The following SLC6A5 variants were observed in gnomAD, a reference collection of about 807,000 sequenced individuals.
SLC6A5 encodes sodium- and chloride-dependent glycine transporter 2.
SLC6A5 carries 58 observed loss-of-function variants against 90.5 expected under a neutral mutation model. The ratio of observed to expected loss-of-function variants is 0.64; its 90% CI spans 0.52 to 0.80. SLC6A5 has a LOEUF of 0.80. Ranked by LOEUF, SLC6A5 falls within the 30% of genes least tolerant of loss-of-function variation. SLC6A5 has a pLI of 0.00. For synonymous variants in SLC6A5, 427 were observed against 401.4 expected, an observed-to-expected ratio of 1.06 and a Z score of -0.76; for missense variants, 1,015 against 1,017.6, an observed-to-expected ratio of 1.00 and a Z score of 0.03.
chr11:20,601,130 A>T lies in SLC6A5; in HGVS notation c.5A>T (p.Asp2Val). The T allele has an allele frequency of 6.3e-7, 1 of 1,589,480 alleles. No individual in the cohort carries two copies. Among genetic ancestry groups the T allele is most frequent in the Non-Finnish European group, 8.5e-7 (1 of 1,175,444 alleles). Residue 2 changes from aspartate (D) to valine (V), a missense_variant and splice_region_variant, in exon 2 of 16, where the codon GAT (aspartate) becomes GTT (valine). Asp to Val is a radical substitution (Grantham distance 152). Transcript: ENST00000525748. MDCSAPKEMNKL... is the reference protein window; with the variant it reads MVCSAPKEMNKL... ...ACGAACTTGACATTGTGTTTGCAGG[A>T]TTGCAGTGCTCCCAAGGAAATGAAT...
At position 20,657,145 on chromosome 11, in the gene SLC6A5, ATGGTTGCAGTC is replaced by A. The variant is rs1853646620; in HGVS notation, c.*2280_*2290del. On this transcript the variant is annotated 3_prime_UTR_variant, in exon 16 of 16. Transcript: ENST00000525748. ...CTTGGCTAAAACTCTGATTGAGCCA[ATGGTTGCAGTC>A]TGATGCTGGACGCCAACCCAATTTC... is the stretch of plus-strand genomic sequence containing the variant. 1 of 149,016 alleles carries A rather than the reference ATGGTTGCAGTC, an allele frequency of 6.7e-6. No homozygotes were observed. Among genetic ancestry groups the A allele is most frequent in the Admixed American group, 6.8e-5 (1 of 14,800 alleles). The allele number at this position is 149,016 out of a possible 1,614,324, so 9.2% of individuals were successfully genotyped here. A position where few individuals can be genotyped will look rare whatever the true frequency, so the allele number is the denominator to read the frequency against.
intron 5 of SLC6A5, among the ~76,000 whole-genome samples, chr11:20,614,395 A>G (rs1424857052): frequency 6.6e-6 from 1 of 152,222 alleles, no homozygotes; most frequent in African/African-American, 2.4e-5. Context: ...ATTAAATGAG[A>G]TAATGCATGC....
chr11:20,647,547 C>T (rs1292289207), intron 14 of SLC6A5, among the ~76,000 whole-genome samples: 1 of 150,328 alleles, frequency 6.7e-6, no homozygotes, highest in Admixed American at 6.7e-5. Flanking sequence ...TATCAGTCTG[C>T]TTTATGTACT....
chr11:20,623,607 G>A (rs531840208), intron 7 of SLC6A5, among the ~76,000 whole-genome samples: 12 of 152,172 alleles, frequency 7.9e-5, no homozygotes, highest in African/African-American at 2.4e-4. Flanking sequence ...AGTCCCTGCC[G>A]TAGCCCTGTT....
In SLC6A5 at chr11:20,644,295, A is replaced by AT. The variant is rs530140716; in HGVS notation, c.1970-2529dup. Among the ~76,000 whole-genome samples, 76 of 149,734 alleles carry AT rather than the reference A, an allele frequency of 5.1e-4. No homozygotes were observed. In the East Asian group the frequency reaches 6.3e-3, roughly 12 times the overall value. ...TCTGCTGTCTCCTTCTCTGTGTTCA[A>AT]TTTTTTTTTTAGATTCCACACGTAA... On this transcript the variant is annotated intron_variant, in intron 13 of 15. Coordinates refer to ENST00000525748, the MANE Select transcript of SLC6A5 (RefSeq NM_004211.5).
intron 2 of SLC6A5, among the ~76,000 whole-genome samples, chr11:20,603,900 C>T (rs1246133856): frequency 6.6e-6 from 1 of 151,970 alleles, no homozygotes; most frequent in Non-Finnish European, 1.5e-5. Context: ...AGCCTGCTTG[C>T]CAAATAAATT....
At chr11:20,618,488 G>A (rs1852825714) in intron 7 of SLC6A5, among the ~76,000 whole-genome samples, 2 of 152,176 alleles carry the variant, frequency 1.3e-5, no homozygotes, top group South Asian at 4.2e-4. Context: ...GGGTCAGTTA[G>A]TGATCGCATG....
At chr11:20,610,670 A>G (rs952808322) in intron 5 of SLC6A5, among the ~76,000 whole-genome samples, 1 of 152,218 alleles carries the variant, frequency 6.6e-6, no homozygotes, top group African/African-American at 2.4e-5. Flanking sequence ...TAAATATTTG[A>G]TAATGATTAG....
At chr11:20,645,635 GTTTTT>G (rs150652189) in intron 13 of SLC6A5, among the ~76,000 whole-genome samples, 2 of 94,706 alleles carry the variant, frequency 2.1e-5, no homozygotes, top group Non-Finnish European at 2.1e-5. Flanking sequence ...ATGATGAAGT[GTTTTT>G]TTTTTTTTTT....
At chr11:20,639,655 G>C (rs950803462) in intron 13 of SLC6A5, among the ~76,000 whole-genome samples, 1 of 152,136 alleles carries the variant, frequency 6.6e-6, no homozygotes, top group Non-Finnish European at 1.5e-5. Flanking sequence ...CACCGAAGAG[G>C]TGCTTAACAG....
At chr11:20,651,586 T>C (rs1853533197) in intron 14 of SLC6A5, among the ~76,000 whole-genome samples, 1 of 151,434 alleles carries the variant, frequency 6.6e-6, no homozygotes, top group South Asian at 2.1e-4. Context: ...GTTTCTTTCT[T>C]ATAGCAAAAG....
intron 7 of SLC6A5, among the ~76,000 whole-genome samples, chr11:20,623,457 C>A (rs56147639): frequency 0.049 from 7,424 of 152,204 alleles, 225 homozygotes; most frequent in Non-Finnish European, 0.072. Context: ...AGCGACAACA[C>A]CCTGGCTGGA....
chr11:20,641,626 G>T (rs1853316092), intron 13 of SLC6A5, among the ~76,000 whole-genome samples: 2 of 152,046 alleles, frequency 1.3e-5, no homozygotes, highest in Admixed American at 6.6e-5. Context: ...AAATGTCATG[G>T]TATACACCAC....
rs1334126263 is a variant in SLC6A5, at chr11:20,652,316, T to C, written c.2098T>C (p.Trp700Arg). The C allele has an allele frequency of 5.6e-6, 9 of 1,614,054 alleles. No individual in the cohort carries two copies. Among genetic ancestry groups the C allele is most frequent in the South Asian group, 2.2e-5 (2 of 91,086 alleles). Residue 700 changes from tryptophan to arginine, a missense_variant, in exon 15 of 16, where the codon TGG becomes CGG. Coordinates refer to ENST00000525748, the MANE Select transcript of SLC6A5 (RefSeq NM_004211.5). ...TFILCFSFYQWEPMTYGSYRY... is the reference protein window; with the variant it reads ...TFILCFSFYQREPMTYGSYRY... ...TATCCTTTGCTTCAGCTTTTACCAG[T>C]GGGAGCCCATGACCTATGGCTCTTA...
chr11:20,605,937 A>T (rs1852571618), intron 3 of SLC6A5, among the ~76,000 whole-genome samples: 1 of 152,086 alleles, frequency 6.6e-6, no homozygotes, highest in African/African-American at 2.4e-5. Flanking sequence ...TGGCTTGGAG[A>T]GCCCCGGGCA....
At chr11:20,628,158 T>G (rs529911505) in intron 9 of SLC6A5, 75 bp downstream of exon 9, 216 of 1,166,612 alleles carry the variant, frequency 1.9e-4, no homozygotes, top group Middle Eastern at 3.9e-4. Flanking sequence ...ATCAGACACC[T>G]GAGGCCACAT....
At chr11:20,638,611 C>A in intron 13 of SLC6A5, 53 bp downstream of exon 13, 2 of 1,023,956 alleles carry the variant, frequency 2.0e-6, no homozygotes, top group Non-Finnish European at 3.1e-6. Flanking sequence ...GTCGGTAAGG[C>A]ATTCATGGCA....
chr11:20,604,870 G>T (rs1852548459), intron 3 of SLC6A5, among the ~76,000 whole-genome samples: 1 of 152,164 alleles, frequency 6.6e-6, no homozygotes, highest in Non-Finnish European at 1.5e-5. Flanking sequence ...TGAGGGGGAA[G>T]GGGTTGAGGC....
chr11:20,623,558 A>G (rs559981722), intron 7 of SLC6A5, among the ~76,000 whole-genome samples: 1 of 152,208 alleles, frequency 6.6e-6, no homozygotes, highest in South Asian at 2.1e-4. Context: ...CAACTGGGTG[A>G]TTCTGTGCAA....
Sources: gnomAD v4.1 joint callset for allele counts (sites outside exome capture counted in the v4.1 genomes callset) on GRCh38, gnomAD v4.1.1 for gene constraint, MANE v1.5 for transcripts, NCBI Gene and HGNC (gene_info 2026-07-23, HGNC 2026-07-21) for gene names.